The following CRIM1 variants were observed in gnomAD, a reference collection of about 807,000 sequenced individuals.
The protein encoded by CRIM1 is cysteine rich transmembrane BMP regulator 1.
Under a neutral mutation model 116.4 loss-of-function variants are expected in CRIM1, and 32 were observed. The observed-to-expected ratio is 0.27, with a 90% CI of 0.21 to 0.37. CRIM1 has a LOEUF of 0.37. CRIM1 is among the 10% of genes least tolerant of loss of function. The pLI, the probability that CRIM1 is intolerant of heterozygous loss-of-function variation, is 1.00. For missense variants in CRIM1, 1,331 were observed against 1,354.8 expected (o/e 0.98, Z 0.28); for synonymous variants, 590 against 509.2 (o/e 1.16, Z -2.13).
intron 13 of CRIM1, 142 bp downstream of exon 13, chr2:36,522,455 C>A (rs1437321568): frequency 4.5e-6 from 3 of 659,526 alleles, no homozygotes; most frequent in Non-Finnish European, 8.0e-6. Flanking sequence ...TGTAGCAACA[C>A]TGAGCAGAAG....
intron 7 of CRIM1, among the ~76,000 whole-genome samples, chr2:36,499,001 A>C (rs1254802930): frequency 6.6e-6 from 1 of 152,268 alleles, no homozygotes; most frequent in Non-Finnish European, 1.5e-5. Flanking sequence ...TGAATTGCTC[A>C]AACGCAAAGA....
intron 8 of CRIM1, among the ~76,000 whole-genome samples, chr2:36,500,079 C>T (rs1680879764): frequency 6.6e-6 from 1 of 152,112 alleles, no homozygotes; most frequent in African/African-American, 2.4e-5. Flanking sequence ...ATAATTTCAG[C>T]ACTCTGGGAG....
At position 36,355,778 on chromosome 2, in the gene CRIM1, A is replaced by G. The variant is rs1222766798; in HGVS notation, c.-515A>G. The stretch of plus-strand genomic sequence containing the variant: ...AAACAAGCGCCCGGAGGAGCGGCGC[A>G]GGAGTGAGGCGAGCGGGGCGCGCGG... On this transcript the variant is annotated 5_prime_UTR_variant, in exon 1 of 17. Transcript: ENST00000280527. 1.3e-5 allele frequency: 2 copies of G among 151,844 alleles called. No individual in the cohort carries two copies. The highest frequency in any genetic ancestry group is 4.8e-5 in the African/African-American group (2 of 41,346). 9.4% of individuals were successfully genotyped at this position (151,844 alleles called of 1,614,324 possible).
intron 2 of CRIM1, among the ~76,000 whole-genome samples, chr2:36,432,516 A>G (rs1674974545): frequency 1.3e-5 from 2 of 152,192 alleles, no homozygotes; most frequent in African/African-American, 4.8e-5. Context: ...GGATGCAAAC[A>G]GGCCACATTT....
At position 36,549,422 on chromosome 2, in the gene CRIM1, G is replaced by GAGTC. The variant is rs1339255412; in HGVS notation, c.*724_*727dup. 3.9e-5 allele frequency: 6 copies of GAGTC among 152,396 alleles called. No individual in the cohort carries two copies. Among genetic ancestry groups the GAGTC allele is most frequent in the East Asian group, 3.9e-4 (2 of 5,166 alleles). The allele number at this position is 152,396 out of a possible 1,614,324, so 9.4% of individuals were successfully genotyped here. ...CCAATCAATCAGCCAGTTCCTAGCA[G>GAGTC]AGTCAGCACATGAACAAGATCTAAG... On this transcript the variant is annotated 3_prime_UTR_variant, in exon 17 of 17. Coordinates refer to ENST00000280527, the MANE Select transcript of CRIM1 (RefSeq NM_016441.3).
intron 7 of CRIM1, among the ~76,000 whole-genome samples, chr2:36,495,479 T>TA (rs971187306): frequency 4.0e-5 from 5 of 125,436 alleles, no homozygotes; most frequent in Admixed American, 2.5e-4. Context: ...TTATTTATTT[T>TA]TTTTTTTTTT....
chr2:36,431,938 T>C (rs1674926059), intron 2 of CRIM1, among the ~76,000 whole-genome samples: 1 of 152,206 alleles, frequency 6.6e-6, no homozygotes, highest in South Asian at 2.1e-4. Flanking sequence ...CCTTCCTCAG[T>C]GGAGGAAAAG....
chr2:36,525,343 C>T lies in CRIM1; in HGVS notation c.2428+3030C>T, dbSNP rs552058111. Among the ~76,000 whole-genome samples the T allele has an allele frequency of 2.2e-4, 34 of 152,224 alleles. 1 individual carries two copies. The highest frequency in any genetic ancestry group is 3.4e-3 in the Middle Eastern group (1 of 294). ...ATTTCCTGTCTGACTCTCCGGTTTGCGTTTGGGCTTGTTCTCTTATCAACT... is the reference window on the plus strand; with the variant it reads ...ATTTCCTGTCTGACTCTCCGGTTTGTGTTTGGGCTTGTTCTCTTATCAACT... On this transcript the variant is annotated intron_variant, in intron 13 of 16. Coordinates refer to ENST00000280527, the MANE Select transcript of CRIM1 (RefSeq NM_016441.3).
intron 2 of CRIM1, among the ~76,000 whole-genome samples, chr2:36,400,779 G>C (rs1672348270): frequency 6.6e-6 from 1 of 152,130 alleles, no homozygotes; most frequent in African/African-American, 2.4e-5. Flanking sequence ...GCACAGAATG[G>C]GATTTGGGAG....
At chr2:36,474,392 C>T (rs1678792250) in intron 5 of CRIM1, among the ~76,000 whole-genome samples, 1 of 152,122 alleles carries the variant, frequency 6.6e-6, no homozygotes, top group Non-Finnish European at 1.5e-5. Context: ...AAACCACTCC[C>T]TAATCAAAGG....
chr2:36,459,094 T>A (rs1677382222), intron 4 of CRIM1, among the ~76,000 whole-genome samples: 1 of 152,016 alleles, frequency 6.6e-6, no homozygotes, highest in Admixed American at 6.6e-5. Flanking sequence ...GCTTTTTTGT[T>A]TTTTTTTAGT....
intron 7 of CRIM1, among the ~76,000 whole-genome samples, chr2:36,495,586 A>G (rs547976601): frequency 6.6e-6 from 1 of 151,188 alleles, no homozygotes; most frequent in African/African-American, 2.4e-5. Flanking sequence ...GATAAAAGCT[A>G]TGTTAAGAAT....
In CRIM1 at chr2:36,368,524, TGCCC is replaced by T. The variant is rs147746144; in HGVS notation, c.331+11902_331+11905del. Among the ~76,000 whole-genome samples the T allele has an allele frequency of 8.6e-3, 1,315 of 152,342 alleles. 8 individuals carry two copies. Among genetic ancestry groups the T allele is most frequent in the Non-Finnish European group, 0.015 (1,031 of 68,024 alleles). On this transcript the variant is annotated intron_variant, in intron 1 of 16. Transcript: ENST00000280527. ...ATAGGCATTATTCGAAAGAAAATGATGCCCAGCACGGCTTCCAGTGTATATTAGC... is the reference window on the plus strand; with the variant it reads ...ATAGGCATTATTCGAAAGAAAATGATAGCACGGCTTCCAGTGTATATTAGC...
rs549837643 is a variant in CRIM1 at position 36,371,605 on chromosome 2, G to T, written c.331+14982G>T. On this transcript the variant is annotated intron_variant, in intron 1 of 16. Coordinates refer to ENST00000280527, the MANE Select transcript of CRIM1 (RefSeq NM_016441.3). ...CAAACTGGTTAACTTTGCTCATGCC[G>T]ATCAGTCTTAGAATTTTTTGTAATG... is the stretch of plus-strand genomic sequence containing the variant. Among the ~76,000 whole-genome samples, 20 of 152,344 alleles carry T rather than the reference G, an allele frequency of 1.3e-4. No homozygotes were observed. In the South Asian group the frequency reaches 4.1e-3, roughly 32 times the overall value.
chr2:36,415,519 A>G (rs1314568528), intron 2 of CRIM1, among the ~76,000 whole-genome samples: 5 of 152,144 alleles, frequency 3.3e-5, no homozygotes. Flanking sequence ...AGGGATGTCA[A>G]CACAACCCAT....
intron 7 of CRIM1, among the ~76,000 whole-genome samples, chr2:36,498,656 ATAAGTGTG>A: frequency 6.6e-6 from 1 of 152,100 alleles, no homozygotes; most frequent in Non-Finnish European, 1.5e-5. Flanking sequence ...GGCCCTGAGG[ATAAGTGTG>A]TAGTTATCTG....
chr2:36,372,046 A>G (rs1338421254), intron 1 of CRIM1, among the ~76,000 whole-genome samples: 4 of 152,188 alleles, frequency 2.6e-5, no homozygotes, highest in Non-Finnish European at 1.5e-5. Context: ...TGAATGTTCA[A>G]TATGTGAGTG....
At chr2:36,535,170 CAGGAGGGA>C (rs1666451509) in intron 13 of CRIM1, among the ~76,000 whole-genome samples, 1 of 78,006 alleles carries the variant, frequency 1.3e-5, no homozygotes, top group Non-Finnish European at 2.3e-5. Context: ...GGAAGGAGGA[CAGGAGGGA>C]GGGAGGGAGG....
chr2:36,488,473 G>A (rs1000746823), intron 7 of CRIM1, among the ~76,000 whole-genome samples: 1 of 152,180 alleles, frequency 6.6e-6, no homozygotes, highest in Non-Finnish European at 1.5e-5. Context: ...GCCAGATCTT[G>A]GTCCAGGGGT....
Sources: gnomAD v4.1 joint callset for allele counts (sites outside exome capture counted in the v4.1 genomes callset) on GRCh38, gnomAD v4.1.1 for gene constraint, MANE v1.5 for transcripts, NCBI Gene and HGNC (gene_info 2026-07-23, HGNC 2026-07-21) for gene names.